Variants in DYSF observed in about 807,000 individuals in gnomAD.
DYSF encodes dysferlin.
Under a neutral mutation model 274.9 loss-of-function variants are expected in DYSF, and 212 were observed. The ratio of observed to expected loss-of-function variants is 0.77; its 90% CI spans 0.69 to 0.86. DYSF has a LOEUF of 0.86. Ranked by LOEUF, DYSF falls within the 40% of genes least tolerant of loss-of-function variation. DYSF has a pLI of 0.00. For missense variants in DYSF, 2,666 were observed against 2,783.2 expected, an observed-to-expected ratio of 0.96 and a Z score of 0.95; for synonymous variants, 1,091 against 1,078.7, an observed-to-expected ratio of 1.01 and a Z score of -0.22.
rs571364996 is a variant in DYSF, at chr2:71,658,989, A to G, written c.4867A>G (p.Ile1623Val). Residue 1623 changes from isoleucine (I) to valine (V), a missense_variant, in exon 44 of 56, where the codon ATT becomes GTT. Physicochemically the swap from Ile to Val is conservative, Grantham distance 29. Coordinates refer to ENST00000410020, the MANE Select transcript of DYSF (RefSeq NM_001130987.2). ...CCAGGAGTGCTTGGTCCGTATCTAC[A>G]TTGTCCGAGCATTTGGCCTGCAGCC... ...GPQECLVRIYIVRAFGLQPKD... is the reference protein window; with the variant it reads ...GPQECLVRIYVVRAFGLQPKD... 11 of 1,614,092 alleles carry G rather than the reference A, an allele frequency of 6.8e-6. No homozygotes were observed. In the South Asian group the frequency reaches 1.2e-4, roughly 18 times the overall value.
At chr2:71,555,618 C>T (rs980634013) in intron 21 of DYSF, among the ~76,000 whole-genome samples, 18 of 152,072 alleles carry the variant, frequency 1.2e-4, no homozygotes, top group Admixed American at 5.9e-4. Context: ...AGAGCAGGCT[C>T]GGAGAGGGCC....
At chr2:71,541,959 A>T (rs2089964073) in intron 17 of DYSF, among the ~76,000 whole-genome samples, 1 of 152,210 alleles carries the variant, frequency 6.6e-6, no homozygotes, top group Admixed American at 6.5e-5. Context: ...CTGAGACATG[A>T]TGAATTCTTA....
At chr2:71,578,458 C>T (rs541156811) in intron 30 of DYSF, among the ~76,000 whole-genome samples, 1 of 152,266 alleles carries the variant, frequency 6.6e-6, no homozygotes, top group East Asian at 1.9e-4. Flanking sequence ...TGGTGGAGGC[C>T]TGGCTCATGG....
rs773503180 is a variant in DYSF at position 71,480,925 on chromosome 2, C to G, written c.134C>G (p.Pro45Arg). 6.2e-7 allele frequency: 1 copy of G among 1,614,178 alleles called. No individual in the cohort carries two copies. The highest frequency in any genetic ancestry group is 2.2e-5 in the East Asian group (1 of 44,882). ...AAAGTCATCAAGAACAGCGTGAACCCTGTATGGAATGAGGTATGTGAGTTT... is the reference window on the plus strand; with the variant it reads ...AAAGTCATCAAGAACAGCGTGAACCGTGTATGGAATGAGGTATGTGAGTTT... Reference protein sequence around the residue: ...RTKVIKNSVNPVWNEGFEWDL... With the variant: ...RTKVIKNSVNRVWNEGFEWDL... The change falls in exon 2 of 56, where the codon CCT becomes CGT. Residue 45 changes from proline (P) to arginine (R), a missense_variant. Physicochemically the swap from Pro to Arg is moderately radical, Grantham distance 103. This residue lies in a region of DYSF where 794 missense variants were observed against 777.1 expected (regional missense o/e 1.02). Transcript: ENST00000410020.
At position 71,503,269 on chromosome 2, in the gene DYSF, T is replaced by C. The variant is rs2085170073; in HGVS notation, c.295T>C (p.Ser99Pro). Residue 99 changes from serine to proline, a missense_variant, in exon 4 of 56, where the codon TCC becomes CCC. Ser to Pro is a moderately conservative substitution (Grantham distance 74). Around this residue, in one of 3 missense-constraint regions of DYSF, gnomAD observed 794 missense variants for 777.1 expected, o/e 1.02. Coordinates refer to ENST00000410020, the MANE Select transcript of DYSF (RefSeq NM_001130987.2). ...AGAGGTCCTCGCCACCCCTAGTCTG[T>C]CCGCCAGCTTCAATGCCCCCCTGCT... ...LREVLATPSL[S>P]ASFNAPLLDT... The C allele has an allele frequency of 6.2e-7, 1 of 1,614,092 alleles. No individual in the cohort carries two copies. The highest frequency in any genetic ancestry group is 8.5e-7 in the Non-Finnish European group (1 of 1,179,996).
chr2:71,557,991 C>G (rs747564365), intron 22 of DYSF, among the ~76,000 whole-genome samples: 3 of 151,862 alleles, frequency 2.0e-5, no homozygotes, highest in Admixed American at 6.6e-5. Context: ...GAGATTGTGC[C>G]CCTACACTCC....
chr2:71,538,788 C>T (rs970093714), intron 16 of DYSF, among the ~76,000 whole-genome samples: 10 of 152,276 alleles, frequency 6.6e-5, no homozygotes, highest in Admixed American at 2.6e-4. Context: ...TTCCTGGGTC[C>T]GGGAACCTGG....
At chr2:71,551,503 C>G (rs950574036) in intron 18 of DYSF, 104 bp from the exon 19 acceptor site, 26 of 989,092 alleles carry the variant, frequency 2.6e-5, no homozygotes, top group Non-Finnish European at 3.5e-5. Context: ...GAGGGACCTC[C>G]TGGGTGCCTG....
At chr2:71,533,133 C>A (rs2088936676) in intron 14 of DYSF, among the ~76,000 whole-genome samples, 1 of 152,122 alleles carries the variant, frequency 6.6e-6, no homozygotes, top group Non-Finnish European at 1.5e-5. Flanking sequence ...AATTCTGATG[C>A]CTTGGTCTCC....
chr2:71,587,213 C>T (rs1474801444), intron 30 of DYSF, among the ~76,000 whole-genome samples: 2 of 152,142 alleles, frequency 1.3e-5, no homozygotes, highest in South Asian at 2.1e-4. Flanking sequence ...GGGTTGCCAG[C>T]GCTGCAGGGC....
chr2:71,483,471 G>T lies in DYSF; in HGVS notation c.239+1501G>T, dbSNP rs535383266. ...GTAGGCTTTGAAAAGGCCAGAAGGG[G>T]AGGGTATTCCAGCGTGTGGATGTGG... On this transcript the variant is annotated intron_variant, in intron 3 of 55. Transcript: ENST00000410020. 9.8e-5 allele frequency among the ~76,000 whole-genome samples: 15 copies of T among 152,306 alleles called. No homozygotes were observed. In the East Asian group the frequency reaches 2.9e-3, roughly 30 times the overall value.
chr2:71,551,699 G>C lies in DYSF; in HGVS notation c.1785G>C (p.Ala595=). The part of the protein sequence containing the change: ...HSEQKVEDLP[A]DDILRVEKYL... ...AACAGAAGGTGGAGGACCTTCCTGC[G>C]GATGACATCCTCCGGGTGGAGGTGA... Residue 595 remains alanine, a synonymous_variant, in exon 19 of 56, where the codon GCG becomes GCC. Transcript: ENST00000410020. 6.2e-7 allele frequency: 1 copy of C among 1,609,286 alleles called. No homozygotes were observed. The highest frequency in any genetic ancestry group is 8.5e-7 in the Non-Finnish European group (1 of 1,178,872).
intron 14 of DYSF, among the ~76,000 whole-genome samples, chr2:71,530,234 C>G (rs2088522239): frequency 6.6e-6 from 1 of 152,222 alleles, no homozygotes; most frequent in Non-Finnish European, 1.5e-5. Flanking sequence ...ACACTAGCTC[C>G]AAGGACTAGG....
intron 3 of DYSF, among the ~76,000 whole-genome samples, chr2:71,483,953 C>T (rs2083148982): frequency 6.6e-6 from 1 of 151,208 alleles, no homozygotes; most frequent in African/African-American, 2.4e-5. Flanking sequence ...AGAGGCAGGA[C>T]AGTCTGGTTA....
At chr2:71,667,667 G>T in intron 48 of DYSF, 152 bp downstream of exon 48, 1 of 1,265,614 alleles carries the variant, frequency 7.9e-7, no homozygotes, top group Admixed American at 2.2e-5. Context: ...GTGCGGCCAT[G>T]GTTGGCCTGG....
intron 1 of DYSF, among the ~76,000 whole-genome samples, chr2:71,468,742 C>G (rs2152648288): frequency 6.6e-6 from 1 of 152,328 alleles, no homozygotes; most frequent in Non-Finnish European, 1.5e-5. Flanking sequence ...AAGAGTCTCT[C>G]CTCTCTGGAT....
chr2:71,569,885 G>A lies in DYSF; in HGVS notation c.2930G>A (p.Arg977Gln), dbSNP rs752689148. ...GAAGAGGTGTTTGAGAACCAGACCC[G>A]GCTTCCCGGAGGCCAGTGGATCTAC... Reference protein sequence around the residue: ...FVEEVFENQTRLPGGQWIYMS... With the variant: ...FVEEVFENQTQLPGGQWIYMS... The change falls in exon 27 of 56, where the codon CGG (arginine) becomes CAG (glutamine). Residue 977 changes from arginine (R) to glutamine (Q), a missense_variant. By Grantham distance (43) the Arg-to-Gln change is conservative. Coordinates refer to ENST00000410020, the MANE Select transcript of DYSF (RefSeq NM_001130987.2). 9.3e-6 allele frequency: 15 copies of A among 1,613,978 alleles called. No individual in the cohort carries two copies. Among genetic ancestry groups the A allele is most frequent in the East Asian group, 4.5e-5 (2 of 44,892 alleles).
In DYSF at chr2:71,513,795, C is replaced by T. The variant is rs755568424; in HGVS notation, c.633C>T (p.Gly211=). 6.2e-7 allele frequency: 1 copy of T among 1,614,160 alleles called. No homozygotes were observed. Among genetic ancestry groups the T allele is most frequent in the Non-Finnish European group, 8.5e-7 (1 of 1,179,992 alleles). The change falls in exon 7 of 56, where the codon GGC becomes GGT. Residue 211 remains glycine, a synonymous_variant. Coordinates refer to ENST00000410020, the MANE Select transcript of DYSF (RefSeq NM_001130987.2). ...EAEPFLDQSG[G]PGAPTTPRKL... ...AGCCATTCCTGGATCAAAGCGGAGG[C>T]CCGGGGGCTCCCACCACCCCAAGGA...
intron 1 of DYSF, among the ~76,000 whole-genome samples, chr2:71,456,210 G>A (rs1326129629): frequency 6.6e-6 from 1 of 152,100 alleles, no homozygotes; most frequent in Non-Finnish European, 1.5e-5. Flanking sequence ...GGGAAAGGAA[G>A]TACATTTTCT....
Sources: allele counts gnomAD v4.1 joint callset (sites outside exome capture counted in the v4.1 genomes callset), GRCh38; gene constraint gnomAD v4.1.1; regional missense constraint gnomAD v4.1.1; transcripts MANE v1.5; gene names NCBI Gene and HGNC (gene_info 2026-07-23, HGNC 2026-07-21).